PCDHA1: variants seen among roughly 807,000 people sequenced by gnomAD.
PCDHA1 encodes protocadherin alpha 1, also known as protocadherin alpha-1.
PCDHA1 carries 42 observed loss-of-function variants against 61.3 expected under a neutral mutation model. The observed-to-expected ratio is 0.69, with a 90% CI of 0.54 to 0.89. The LOEUF (loss-of-function observed/expected upper bound fraction) is 0.89, where lower values mean the gene tolerates loss of function less well. Among genes scored for constraint, PCDHA1 ranks in the 40% least tolerant of loss-of-function variants. The pLI is 0.00. For synonymous variants in PCDHA1, 610 were observed against 553.8 expected (o/e 1.10, Z -1.43); for missense variants, 1,256 against 1,235.3 (o/e 1.02, Z -0.25).
intron 1 of PCDHA1, among the ~76,000 whole-genome samples, chr5:140,945,758 G>A (rs1483102794): frequency 6.6e-6 from 1 of 152,014 alleles, no homozygotes; most frequent in Non-Finnish European, 1.5e-5. Flanking sequence ...ATAAATGGTG[G>A]TGGGACAATT....
intron 3 of PCDHA1, among the ~76,000 whole-genome samples, chr5:140,983,182 C>G (rs782457174): frequency 1.3e-5 from 2 of 152,188 alleles, no homozygotes; most frequent in Non-Finnish European, 2.9e-5. Flanking sequence ...CTCACAATTT[C>G]TTAGTTTAGA....
chr5:140,983,429 T>G (rs2097050099), intron 3 of PCDHA1, among the ~76,000 whole-genome samples: 1 of 152,214 alleles, frequency 6.6e-6, no homozygotes, highest in South Asian at 2.1e-4. Flanking sequence ...AGACCACAAA[T>G]TGTGTCTACT....
intron 1 of PCDHA1, among the ~76,000 whole-genome samples, chr5:140,978,369 A>G (rs1015473344): frequency 6.6e-6 from 1 of 152,196 alleles, no homozygotes; most frequent in Non-Finnish European, 1.5e-5. Flanking sequence ...CAAACTCTGC[A>G]ATAGTTTGTT....
At position 140,802,357 on chromosome 5, in the gene PCDHA1, G is replaced by T. The variant is rs782400027; in HGVS notation, c.2394+13673G>T. ...TCAGGAGTCAATGGACAGGTCACCT[G>T]CTCGCTGACGCCCCACGTCCCCTTC... On this transcript the variant is annotated intron_variant, in intron 1 of 3. Coordinates refer to ENST00000504120, the MANE Select transcript of PCDHA1 (RefSeq NM_018900.4). 14 of 1,614,146 alleles carry T rather than the reference G, an allele frequency of 8.7e-6. No individual in the cohort carries two copies. Among genetic ancestry groups the T allele is most frequent in the Non-Finnish European group, 1.1e-5 (13 of 1,180,052 alleles).
At chr5:140,830,481 C>T in intron 1 of PCDHA1, 1 of 1,505,882 alleles carries the variant, frequency 6.6e-7, no homozygotes, top group Non-Finnish European at 8.9e-7. Context: ...GATCATGATG[C>T]CAAAGTAAGT....
intron 1 of PCDHA1, 76 bp downstream of exon 1, chr5:140,788,760 T>G: frequency 6.8e-7 from 1 of 1,464,612 alleles, no homozygotes; most frequent in Non-Finnish European, 9.1e-7. Flanking sequence ...CAAATATCAC[T>G]TTAAAAAATG....
Position 140,979,705 on chromosome 5 carries a change from G to A in PCDHA1, c.2453+698G>A, listed in dbSNP as rs138804576. Among the ~76,000 whole-genome samples, 597 of 152,336 alleles carry A rather than the reference G, an allele frequency of 3.9e-3. 4 individuals carry two copies. The highest frequency in any genetic ancestry group is 0.014 in the African/African-American group (562 of 41,570). On this transcript the variant is annotated intron_variant, in intron 2 of 3. Coordinates refer to ENST00000504120, the MANE Select transcript of PCDHA1 (RefSeq NM_018900.4). ...ATTAACTACCATTATTTCTGGAGGT[G>A]ATCCAGTATCCATGCCATGGGGCCA... is the stretch of plus-strand genomic sequence containing the variant.
chr5:140,965,121 T>G (rs1454584682), intron 1 of PCDHA1, among the ~76,000 whole-genome samples: 6 of 152,178 alleles, frequency 3.9e-5, no homozygotes, highest in African/African-American at 1.4e-4. Flanking sequence ...TAGAGGAAGA[T>G]CTACAGATGA....
At chr5:140,872,364 G>A (rs538641401) in intron 1 of PCDHA1, among the ~76,000 whole-genome samples, 1 of 152,132 alleles carries the variant, frequency 6.6e-6, no homozygotes, top group South Asian at 2.1e-4. Context: ...AAGTGGTTCA[G>A]GCCTGTAATC....
intron 1 of PCDHA1, among the ~76,000 whole-genome samples, chr5:140,889,945 C>A (rs2153428950): frequency 6.6e-6 from 1 of 152,212 alleles, no homozygotes; most frequent in Non-Finnish European, 1.5e-5. Flanking sequence ...TTGTGAGAAG[C>A]CAAATGGATA....
chr5:140,858,235 A>C, intron 1 of PCDHA1: 2 of 1,596,218 alleles, frequency 1.3e-6, no homozygotes, highest in Non-Finnish European at 1.7e-6. Flanking sequence ...CCGAGGGCGC[A>C]TGTGGGCCGG....
intron 1 of PCDHA1, chr5:140,836,594 C>G (rs2150264886): frequency 4.3e-6 from 7 of 1,613,766 alleles, no homozygotes; most frequent in Non-Finnish European, 4.2e-6. Context: ...TGGTAAAGCC[C>G]ACTCTGGTGT....
At chr5:140,828,724 C>A (rs2150158258) in intron 1 of PCDHA1, 6 of 1,614,204 alleles carry the variant, frequency 3.7e-6, no homozygotes, top group Non-Finnish European at 5.1e-6. Flanking sequence ...ACAACTTATT[C>A]CTGACAGCCA....
At chr5:140,983,034 C>T (rs923296416) in intron 3 of PCDHA1, among the ~76,000 whole-genome samples, 1 of 151,944 alleles carries the variant, frequency 6.6e-6, no homozygotes, top group Non-Finnish European at 1.5e-5. Context: ...GATGGTTTCT[C>T]ATGGAAGTGG....
intron 1 of PCDHA1, chr5:140,848,707 G>A (rs782550579): frequency 2.5e-6 from 4 of 1,592,422 alleles, no homozygotes; most frequent in East Asian, 2.2e-5. Context: ...TCCAAAGGCC[G>A]CGGGGACCTT....
chr5:140,884,230 C>T, intron 1 of PCDHA1: 8 of 1,613,384 alleles, frequency 5.0e-6, no homozygotes, highest in Non-Finnish European at 6.8e-6. Flanking sequence ...TGAAGGACCA[C>T]GGTGAGCCCG....
intron 1 of PCDHA1, chr5:140,834,910 A>G (rs1379120626): frequency 6.3e-7 from 1 of 1,595,988 alleles, no homozygotes; most frequent in Non-Finnish European, 8.5e-7. Flanking sequence ...AGCCCCAATG[A>G]GTATTTCTTC....
chr5:140,968,823 A>G (rs569036779), intron 1 of PCDHA1: 3 of 1,614,192 alleles, frequency 1.9e-6, no homozygotes, highest in Non-Finnish European at 2.5e-6. Context: ...AGGGTTTCCA[A>G]AATCCTCCCT....
intron 1 of PCDHA1, among the ~76,000 whole-genome samples, chr5:140,846,666 G>A (rs1419138961): frequency 6.7e-6 from 1 of 149,080 alleles, no homozygotes; most frequent in Non-Finnish European, 1.5e-5. Flanking sequence ...GAGCCACCGC[G>A]CCCAGCCTAA....
Sources: allele counts gnomAD v4.1 joint callset (sites outside exome capture counted in the v4.1 genomes callset), GRCh38; gene constraint gnomAD v4.1.1; transcripts MANE v1.5; gene names NCBI Gene and HGNC (gene_info 2026-07-23, HGNC 2026-07-21).